Variants in GNA11 observed in about 807,000 individuals in gnomAD.
GNA11 encodes guanine nucleotide-binding protein subunit alpha-11.
A neutral mutation model predicts 38.2 loss-of-function variants in GNA11; 8 were observed. That is an observed-to-expected ratio of 0.21 (90% CI 0.12 to 0.38). The LOEUF is 0.38. GNA11 is among the 10% of genes least tolerant of loss of function. The pLI is 1.00. For synonymous variants in GNA11, 211 were observed against 221.4 expected (o/e 0.95, Z 0.42); for missense variants, 268 against 516.3 (o/e 0.52, Z 4.66).
rs376343506 is a variant in GNA11 at position 3,118,402 on chromosome 19, G to A, written c.606-522G>A. The stretch of plus-strand genomic sequence containing the variant: ...AGCTGCTCACCACGCGGGGCAGGGC[G>A]CTGCGCCTGCTCTTCTGCCCCAGGA... On this transcript the variant is annotated intron_variant, in intron 4 of 6. Coordinates refer to ENST00000078429, the MANE Select transcript of GNA11 (RefSeq NM_002067.5). The A allele has an allele frequency of 4.9e-4, 76 of 154,626 alleles. 4 individuals carry two copies. The South Asian group carries it at 0.015, about 30-fold the overall frequency. The allele number at this position is 154,626 out of a possible 1,614,324, so 9.6% of individuals were successfully genotyped here. A position where few individuals can be genotyped will look rare whatever the true frequency, so the allele number is the denominator to read the frequency against.
intron 1 of GNA11, among the ~76,000 whole-genome samples, chr19:3,102,310 G>C (rs1786747939): frequency 6.6e-6 from 1 of 152,168 alleles, no homozygotes; most frequent in South Asian, 2.1e-4. Context: ...TGGGGACTCT[G>C]CTGCTGTGGA....
At chr19:3,106,382 C>CA (rs1315920903) in intron 1 of GNA11, among the ~76,000 whole-genome samples, 4 of 152,204 alleles carry the variant, frequency 2.6e-5, no homozygotes, top group Non-Finnish European at 5.9e-5. Context: ...AGGCTGGGAC[C>CA]AAAGCATCTT....
rs558409561 is a variant in GNA11, at chr19:3,121,935, T to A, written c.*756T>A. The A allele has an allele frequency of 1.7e-5, 4 of 232,848 alleles. No homozygotes were observed. Among genetic ancestry groups the A allele is most frequent in the Non-Finnish European group, 3.4e-5 (4 of 117,790 alleles). The allele number at this position is 232,848 out of a possible 1,614,324, so 14.4% of individuals were successfully genotyped here. A position where few individuals can be genotyped will look rare whatever the true frequency, so the allele number is the denominator to read the frequency against. On this transcript the variant is annotated 3_prime_UTR_variant, in exon 7 of 7. Coordinates refer to ENST00000078429, the MANE Select transcript of GNA11 (RefSeq NM_002067.5). The stretch of plus-strand genomic sequence containing the variant: ...CTCATGGCCGGGTTCCCCGTCCCTC[T>A]GCAGAGGCTGGGAAGGGTCCCCGGG...
In GNA11 at chr19:3,108,061, T is replaced by C. The variant is rs1913679320; in HGVS notation, c.137-2088T>C. 6.6e-6 allele frequency among the ~76,000 whole-genome samples: 1 copy of C among 152,188 alleles called. No individual in the cohort carries two copies. The stretch of plus-strand genomic sequence containing the variant: ...TCTTCTGAAAAGGACTCAGGGTGTT[T>C]GAGAAAAGTACTGGGGAGAGGCAGC... On this transcript the variant is annotated intron_variant, in intron 1 of 6. Transcript: ENST00000078429. This position sits in a 1 kb window ranked among gnomAD's most constrained non-coding sequence, Gnocchi z 4.5.
In GNA11 at chr19:3,110,009, C is replaced by T. The variant is rs960978175; in HGVS notation, c.137-140C>T. On this transcript the variant is annotated intron_variant, in intron 1 of 6. Coordinates refer to ENST00000078429, the MANE Select transcript of GNA11 (RefSeq NM_002067.5). The surrounding 1 kb of genome is among the most constrained non-coding windows in gnomAD (Gnocchi z 5.4). Reference sequence around the variant, plus strand: ...CCGAGGAGTCAGGAGGCCGTGGCGTCTGGTGGAGAGACGGTCAGCCTCACG... The same window carrying T: ...CCGAGGAGTCAGGAGGCCGTGGCGTTTGGTGGAGAGACGGTCAGCCTCACG... The T allele has an allele frequency of 3.5e-5, 22 of 628,636 alleles. No individual in the cohort carries two copies. In the South Asian group the frequency reaches 4.4e-4, roughly 12 times the overall value. 38.9% of individuals were successfully genotyped at this position (628,636 alleles called of 1,614,324 possible).
Position 3,108,132 on chromosome 19 carries a change from A to AC in GNA11, c.137-2011dup, listed in dbSNP as rs901485688. Among the ~76,000 whole-genome samples, 2 of 151,790 alleles carry AC rather than the reference A, an allele frequency of 1.3e-5. No individual in the cohort carries two copies. Among genetic ancestry groups the AC allele is most frequent in the South Asian group, 4.2e-4 (2 of 4,802 alleles). ...CGGGATGTGTTGGGTGTTTTGCGAG[A>AC]CCCCCCACAGGGAGCTCAGGTGCTG... On this transcript the variant is annotated intron_variant, in intron 1 of 6. Coordinates refer to ENST00000078429, the MANE Select transcript of GNA11 (RefSeq NM_002067.5). This position sits in a 1 kb window ranked among gnomAD's most constrained non-coding sequence, Gnocchi z 4.5.
chr19:3,115,272 G>A, intron 4 of GNA11, 200 bp downstream of exon 4: 1 of 530,624 alleles, frequency 1.9e-6, no homozygotes, highest in Middle Eastern at 5.2e-4. Flanking sequence ...GGGCGTGGTT[G>A]TGTGCACCTG....
chr19:3,101,176 G>A (rs1390220211), intron 1 of GNA11, among the ~76,000 whole-genome samples: 1 of 152,216 alleles, frequency 6.6e-6, no homozygotes, highest in Non-Finnish European at 1.5e-5. Context: ...GGGGGCTGAA[G>A]GGTGTGGTCA....
intron 1 of GNA11, among the ~76,000 whole-genome samples, chr19:3,107,839 C>T (rs1204796969): frequency 6.6e-6 from 1 of 152,236 alleles, no homozygotes; most frequent in East Asian, 1.9e-4. Context: ...GATTGCATCC[C>T]CTCCATGCCA....
At chr19:3,097,173 C>T (rs1468061996) in intron 1 of GNA11, among the ~76,000 whole-genome samples, 3 of 151,788 alleles carry the variant, frequency 2.0e-5, no homozygotes, top group South Asian at 4.2e-4. Flanking sequence ...AGGGTGGGGC[C>T]GAGGCTCCCC....
At position 3,094,822 on chromosome 19, in the gene GNA11, C is replaced by T. The variant is rs771109003; in HGVS notation, c.136+35C>T. 1.4e-6 allele frequency: 2 copies of T among 1,469,124 alleles called. No homozygotes were observed. Among genetic ancestry groups the T allele is most frequent in the Non-Finnish European group, 1.8e-6 (2 of 1,102,684 alleles). 91.0% of individuals were successfully genotyped at this position (1,469,124 alleles called of 1,614,324 possible). A position where few individuals can be genotyped will look rare whatever the true frequency, so the allele number is the denominator to read the frequency against. On this transcript the variant is annotated intron_variant, in intron 1 of 6. Coordinates refer to ENST00000078429, the MANE Select transcript of GNA11 (RefSeq NM_002067.5). This position sits in a 1 kb window ranked among gnomAD's most constrained non-coding sequence, Gnocchi z 6.0. ...GCCCCCGGGCCTGCCGGCTGCGGGC[C>T]CTGCCCTGCCTGTGCCTGCCCTGCC... is the stretch of plus-strand genomic sequence containing the variant.
intron 1 of GNA11, among the ~76,000 whole-genome samples, chr19:3,106,319 C>T (rs1048090652): frequency 5.9e-5 from 9 of 152,186 alleles, no homozygotes; most frequent in African/African-American, 1.9e-4. Flanking sequence ...CGCTGTGTGA[C>T]GGGAGGCGGC....
intron 4 of GNA11, chr19:3,118,355 G>A (rs1204127806): frequency 3.3e-5 from 5 of 152,696 alleles, no homozygotes; most frequent in African/African-American, 9.6e-5. Context: ...CCGCCTGTGC[G>A]TGGCCTGAGA....
rs371983140 is a variant in GNA11, at chr19:3,110,120, C to T, written c.137-29C>T. ...AGCACGAGAGTCAGGCCCCGGCTGC[C>T]GCCCGCCCTCACGTGCCCCGTCCCC... On this transcript the variant is annotated intron_variant, in intron 1 of 6. Coordinates refer to ENST00000078429, the MANE Select transcript of GNA11 (RefSeq NM_002067.5). The surrounding 1 kb of genome is among the most constrained non-coding windows in gnomAD (Gnocchi z 5.4). 5.7e-5 allele frequency: 89 copies of T among 1,558,522 alleles called. No individual in the cohort carries two copies. The highest frequency in any genetic ancestry group is 4.7e-5 in the East Asian group (2 of 42,854).
At position 3,122,397 on chromosome 19, in the gene GNA11, T is replaced by A. The variant is rs1914102724; in HGVS notation, c.*1218T>A. On this transcript the variant is annotated 3_prime_UTR_variant, in exon 7 of 7. Transcript: ENST00000078429. The surrounding 1 kb of genome is among the most constrained non-coding windows in gnomAD (Gnocchi z 7.7). ...TGGAAGGTGGTGGCAGGCACCGGCCTGGGCAGCTTCCAGGCCTGGCTGGCC... is the reference window on the plus strand; with the variant it reads ...TGGAAGGTGGTGGCAGGCACCGGCCAGGGCAGCTTCCAGGCCTGGCTGGCC... The A allele has an allele frequency of 4.3e-6, 1 of 231,104 alleles. No homozygotes were observed. The highest frequency in any genetic ancestry group is 2.2e-5 in the African/African-American group (1 of 45,114). The allele number at this position is 231,104 out of a possible 1,614,324, so 14.3% of individuals were successfully genotyped here.
chr19:3,115,665 A>C (rs1172747535), intron 4 of GNA11, among the ~76,000 whole-genome samples: 1 of 146,830 alleles, frequency 6.8e-6, no homozygotes, highest in Non-Finnish European at 1.5e-5. Flanking sequence ...TGCTGGCCGG[A>C]GCAGGGGGTG....
rs1913873977 is a variant in GNA11, at chr19:3,115,044, C to A, written c.577C>A (p.Pro193Thr). Residue 193 changes from proline to threonine, a missense_variant, in exon 4 of 7, where the codon CCT becomes ACT. Coordinates refer to ENST00000078429, the MANE Select transcript of GNA11 (RefSeq NM_002067.5). The part of the protein sequence containing the change: ...RVPTTGIIEY[P>T]FDLENIIFRM... Reference sequence around the variant, plus strand: ...GCCCACCACCGGCATCATCGAGTACCCTTTCGACCTGGAGAACATCATCTT... The same window carrying A: ...GCCCACCACCGGCATCATCGAGTACACTTTCGACCTGGAGAACATCATCTT... 6.2e-7 allele frequency: 1 copy of A among 1,613,212 alleles called. No individual in the cohort carries two copies. The highest frequency in any genetic ancestry group is 1.1e-5 in the South Asian group (1 of 91,082).
At position 3,110,794 on chromosome 19, in the gene GNA11, T is replaced by G. The variant is rs1913757865; in HGVS notation, c.321+461T>G. ...CACCTTCTCACACTGTTTTTTTGTT[T>G]TGTTTTGTTTTGTTTTGTTTTGAAA... On this transcript the variant is annotated intron_variant, in intron 2 of 6. Transcript: ENST00000078429. This position sits in a 1 kb window ranked among gnomAD's most constrained non-coding sequence, Gnocchi z 5.4. 6.6e-6 allele frequency among the ~76,000 whole-genome samples: 1 copy of G among 151,814 alleles called. No individual in the cohort carries two copies. Among genetic ancestry groups the G allele is most frequent in the Non-Finnish European group, 1.5e-5 (1 of 67,896 alleles).
In GNA11 at chr19:3,113,395, C is replaced by T. The variant is rs2145318651; in HGVS notation, c.387C>T (p.Val129=). ...TGACCACCTTCGAGCATCAGTACGT[C>T]AGTGCCATCAAGACCCTGTGGGAGG... ...EKVTTFEHQY[V]SAIKTLWEDP... is the part of the protein sequence containing the mutation. The change falls in exon 3 of 7, where the codon GTC becomes GTT. Residue 129 remains valine, a synonymous_variant. Coordinates refer to ENST00000078429, the MANE Select transcript of GNA11 (RefSeq NM_002067.5). 1 of 1,613,268 alleles carries T rather than the reference C, an allele frequency of 6.2e-7. No individual in the cohort carries two copies. The highest frequency in any genetic ancestry group is 8.5e-7 in the Non-Finnish European group (1 of 1,179,612).
Sources: gnomAD v4.1 joint callset for allele counts (sites outside exome capture counted in the v4.1 genomes callset) on GRCh38, gnomAD v4.1.1 for gene constraint, Gnocchi (gnomAD v3.1) non-coding constraint, MANE v1.5 for transcripts, NCBI Gene and HGNC (gene_info 2026-07-23, HGNC 2026-07-21) for gene names.